The following DMXL1 variants were observed in gnomAD, a reference collection of about 807,000 sequenced individuals.
The protein encoded by DMXL1 is dmX-like protein 1.
A neutral mutation model predicts 319.2 loss-of-function variants in DMXL1; 99 were observed. The ratio of observed to expected loss-of-function variants is 0.31; its 90% CI spans 0.26 to 0.37. The LOEUF (loss-of-function observed/expected upper bound fraction) is 0.37. Among genes scored for constraint, DMXL1 ranks in the 10% least tolerant of loss-of-function variants. The probability of loss-of-function intolerance (pLI) is 1.00; values close to 1 mark genes in which losing one functional copy is unlikely to be tolerated. For missense variants in DMXL1, 3,745 were observed against 3,595.6 expected (o/e 1.04, Z -1.06); for synonymous variants, 1,385 against 1,235.2 (o/e 1.12, Z -2.54).
Position 119,247,275 on chromosome 5 carries a change from T to C in DMXL1, c.*56T>C, listed in dbSNP as rs980024123. ...CCTATATGGAAGTGGCCAACAGATA[T>C]AATATACAGTGATCATTCTCTATGC... is the stretch of plus-strand genomic sequence containing the variant. On this transcript the variant is annotated 3_prime_UTR_variant, in exon 44 of 44. Coordinates refer to ENST00000539542, the MANE Select transcript of DMXL1 (RefSeq NM_001290321.3). The C allele has an allele frequency of 9.3e-6, 11 of 1,183,464 alleles. No homozygotes were observed. Among genetic ancestry groups the C allele is most frequent in the Non-Finnish European group, 1.2e-5 (10 of 823,952 alleles). The allele number at this position is 1,183,464 out of a possible 1,614,324, so 73.3% of individuals were successfully genotyped here.
chr5:119,153,395 A>G (rs1770281505), intron 19 of DMXL1, among the ~76,000 whole-genome samples: 1 of 152,246 alleles, frequency 6.6e-6, no homozygotes. Context: ...GTCAAACTAA[A>G]CATATCCATC....
chr5:119,084,864 C>CAA (rs767235744), intron 1 of DMXL1, among the ~76,000 whole-genome samples: 2,791 of 69,862 alleles, frequency 0.04, 105 homozygotes, highest in African/African-American at 0.12. Flanking sequence ...AACTCCGTCT[C>CAA]AAAAAAAAAA....
Position 119,247,900 on chromosome 5 carries a change from A to G in DMXL1, c.*681A>G, listed in dbSNP as rs1790050590. The G allele has an allele frequency of 6.9e-6, 1 of 145,348 alleles. No individual in the cohort carries two copies. The highest frequency in any genetic ancestry group is 7.2e-5 in the Admixed American group (1 of 13,970). The allele number at this position is 145,348 out of a possible 1,614,324, so 9.0% of individuals were successfully genotyped here. A position where few individuals can be genotyped will look rare whatever the true frequency, so the allele number is the denominator to read the frequency against. ...CTGGTTTTTCATGTGTTTTTGTGCC[A>G]TAACAACTATTGCCACCAGAATAAC... On this transcript the variant is annotated 3_prime_UTR_variant, in exon 44 of 44. Coordinates refer to ENST00000539542, the MANE Select transcript of DMXL1 (RefSeq NM_001290321.3).
At chr5:119,153,917 C>CT (rs1424942001) in intron 19 of DMXL1, among the ~76,000 whole-genome samples, 3 of 152,214 alleles carry the variant, frequency 2.0e-5, no homozygotes, top group African/African-American at 7.2e-5. Flanking sequence ...CATGTGTTCA[C>CT]TTCATGTCTC....
rs558570056 is a variant in DMXL1 at position 119,243,992 on chromosome 5, C to A, written c.8705-367C>A. ...TCTGGGGGACCTTGGTTAAACAGGA[C>A]CAAAGCAGCATTTGGTCTAGGGCTG... On this transcript the variant is annotated intron_variant, in intron 42 of 43. Coordinates refer to ENST00000539542, the MANE Select transcript of DMXL1 (RefSeq NM_001290321.3). Among the ~76,000 whole-genome samples, 4 of 152,292 alleles carry A rather than the reference C, an allele frequency of 2.6e-5. No individual in the cohort carries two copies. In the South Asian group the frequency reaches 8.3e-4, roughly 32 times the overall value.
At chr5:119,151,837 G>T in intron 18 of DMXL1, 92 bp from the exon 19 acceptor site, 1 of 635,148 alleles carries the variant, frequency 1.6e-6, no homozygotes, top group Non-Finnish European at 2.7e-6. Context: ...CTTTTTTCTT[G>T]GTCAGGTTAA....
At chr5:119,102,118 AACCT>A in intron 3 of DMXL1, 112 bp downstream of exon 3, 1 of 552,534 alleles carries the variant, frequency 1.8e-6, no homozygotes, top group Non-Finnish European at 3.2e-6. Context: ...ACTGTAATTG[AACCT>A]ACATGTTAAA....
intron 13 of DMXL1, among the ~76,000 whole-genome samples, chr5:119,136,094 A>G (rs1267438642): frequency 6.6e-6 from 1 of 152,254 alleles, no homozygotes; most frequent in Non-Finnish European, 1.5e-5. Context: ...CGGCTGAGGT[A>G]GTCTCTGATG....
At chr5:119,136,229 G>C (rs977517535) in intron 13 of DMXL1, among the ~76,000 whole-genome samples, 1 of 152,202 alleles carries the variant, frequency 6.6e-6, no homozygotes, top group African/African-American at 2.4e-5. Context: ...AGATGATTTA[G>C]GTTATCTGGC....
At chr5:119,219,270 A>G (rs1784234404) in intron 35 of DMXL1, among the ~76,000 whole-genome samples, 1 of 152,180 alleles carries the variant, frequency 6.6e-6, no homozygotes, top group South Asian at 2.1e-4. Context: ...GATAGTAAGC[A>G]TACTTGCCCT....
chr5:119,244,247 A>G, intron 42 of DMXL1, 112 bp from the exon 43 acceptor site: 2 of 753,726 alleles, frequency 2.7e-6, no homozygotes, highest in East Asian at 2.7e-5. Context: ...TGATTTTTTA[A>G]TTGTTTCAGG....
At chr5:119,078,396 A>T (rs1233845596) in intron 1 of DMXL1, among the ~76,000 whole-genome samples, 1 of 152,172 alleles carries the variant, frequency 6.6e-6, no homozygotes, top group Non-Finnish European at 1.5e-5. Flanking sequence ...TTGGAGCTTG[A>T]ATTATTTGTC....
chr5:119,156,379 C>A (rs1305667781), intron 19 of DMXL1, among the ~76,000 whole-genome samples: 1 of 152,144 alleles, frequency 6.6e-6, no homozygotes, highest in Non-Finnish European at 1.5e-5. Flanking sequence ...CACTGGGAAA[C>A]AAAAAATTGT....
At chr5:119,224,410 T>G (rs1411814280) in intron 37 of DMXL1, among the ~76,000 whole-genome samples, 1 of 152,046 alleles carries the variant, frequency 6.6e-6, no homozygotes, top group Non-Finnish European at 1.5e-5. Flanking sequence ...CTATTCAGGA[T>G]TATTACTGAA....
At position 119,170,802 on chromosome 5, in the gene DMXL1, A is replaced by G; in HGVS notation, c.6011A>G (p.Tyr2004Cys). Residue 2004 changes from tyrosine to cysteine, a missense_variant, in exon 24 of 44, where the codon TAC becomes TGC. Coordinates refer to ENST00000539542, the MANE Select transcript of DMXL1 (RefSeq NM_001290321.3). ...AAGTTGGATGACATAAGTTCTAACTACACAGAATCTTTCAGCACACTAGAT... is the reference window on the plus strand; with the variant it reads ...AAGTTGGATGACATAAGTTCTAACTGCACAGAATCTTTCAGCACACTAGAT... The part of the protein sequence containing the change: ...DKKLDDISSN[Y>C]TESFSTLDEN... 1.2e-6 allele frequency: 2 copies of G among 1,612,096 alleles called. No homozygotes were observed. The highest frequency in any genetic ancestry group is 1.1e-5 in the South Asian group (1 of 90,926).
intron 7 of DMXL1, 85 bp downstream of exon 7, chr5:119,116,421 A>G (rs113259388): frequency 7.2e-7 from 1 of 1,391,434 alleles, no homozygotes. Flanking sequence ...TTGAGAGTCC[A>G]TAGTTACAGG....
At chr5:119,105,360 T>C in intron 4 of DMXL1, 102 bp downstream of exon 4, 2 of 893,490 alleles carry the variant, frequency 2.2e-6, no homozygotes, top group Non-Finnish European at 3.6e-6. Context: ...TGTGAGGTTG[T>C]GGGGAATACC....
In DMXL1 at chr5:119,177,372, T is replaced by C. The variant is rs1385758095; in HGVS notation, c.6774T>C (p.Asn2258=). The change falls in exon 27 of 44, where the codon AAT becomes AAC. Residue 2258 remains asparagine (N), a synonymous_variant. Coordinates refer to ENST00000539542, the MANE Select transcript of DMXL1 (RefSeq NM_001290321.3). ...GSHNYSSFQT[N]QFTGMVYQTV... ...TTTCTCTTAGTTCATTTCAGACGAA[T>C]CAGTTTACTGGAATGGTATATCAGA... The C allele has an allele frequency of 6.4e-7, 1 of 1,555,016 alleles. No homozygotes were observed. Among genetic ancestry groups the C allele is most frequent in the East Asian group, 2.3e-5 (1 of 43,708 alleles).
intron 13 of DMXL1, among the ~76,000 whole-genome samples, chr5:119,141,347 T>A (rs1317022566): frequency 6.6e-6 from 1 of 152,104 alleles, no homozygotes; most frequent in Admixed American, 6.6e-5. Flanking sequence ...TATATCTAGA[T>A]AACCCTATGT....
Sources: gnomAD v4.1 joint callset for allele counts (sites outside exome capture counted in the v4.1 genomes callset) on GRCh38, gnomAD v4.1.1 for gene constraint, MANE v1.5 for transcripts, NCBI Gene and HGNC (gene_info 2026-07-23, HGNC 2026-07-21) for gene names.